SNX29: variants seen among roughly 807,000 people sequenced by gnomAD.
SNX29 encodes the protein sorting nexin 29.
A neutral mutation model predicts 102.1 loss-of-function variants in SNX29; 78 were observed. The observed-to-expected ratio is 0.76, with a 90% confidence interval of 0.64 to 0.92. The LOEUF (loss-of-function observed/expected upper bound fraction) is 0.92, where lower values mean the gene tolerates loss of function less well. Among genes scored for constraint, SNX29 ranks in the 40% least tolerant of loss-of-function variants. SNX29 has a pLI of 0.00. For missense variants in SNX29, 1,280 were observed against 1,061.7 expected, an observed-to-expected ratio of 1.21 and a Z score of -2.86; for synonymous variants, 580 against 414.5, an observed-to-expected ratio of 1.40 and a Z score of -4.85.
In SNX29 at chr16:12,476,377, A is replaced by T. The variant is rs1337831176; in HGVS notation, c.2038-1342A>T. Among the ~76,000 whole-genome samples the T allele has an allele frequency of 4.4e-3, 102 of 23,256 alleles. 1 individual carries two copies. The highest frequency in any genetic ancestry group is 0.013 in the Admixed American group (14 of 1,104). The allele number at this position is 23,256 out of a possible 152,430, so 15.3% of individuals were successfully genotyped here. A position where few individuals can be genotyped will look rare whatever the true frequency, so the allele number is the denominator to read the frequency against. On this transcript the variant is annotated intron_variant, in intron 18 of 20. Coordinates refer to ENST00000566228, the MANE Select transcript of SNX29 (RefSeq NM_032167.5). ...AAAAAAAAAAAAAAAAAAAAAAAAA[A>T]AAAAAAATATATATATATATATATA...
At position 12,526,517 on chromosome 16, in the gene SNX29, A is replaced by G. The variant is rs145008928; in HGVS notation, c.2318+1676A>G. 908 of 509,760 alleles carry G rather than the reference A, an allele frequency of 1.8e-3. 6 individuals are homozygous for G. Among genetic ancestry groups the G allele is most frequent in the African/African-American group, 0.016 (828 of 52,266 alleles). The allele number at this position is 509,760 out of a possible 1,614,324, so 31.6% of individuals were successfully genotyped here. A position where few individuals can be genotyped will look rare whatever the true frequency, so the allele number is the denominator to read the frequency against. On this transcript the variant is annotated intron_variant, in intron 20 of 20. Transcript: ENST00000566228. ...TAGAAAACAGTTTCTAGAACGCTTTATTTTTCTTTTCTTCTTTTATTTGTA... is the reference window on the plus strand; with the variant it reads ...TAGAAAACAGTTTCTAGAACGCTTTGTTTTTCTTTTCTTCTTTTATTTGTA...
intron 15 of SNX29, among the ~76,000 whole-genome samples, chr16:12,285,613 A>G (rs944455267): frequency 5.3e-5 from 8 of 152,212 alleles, no homozygotes; most frequent in African/African-American, 1.9e-4. Context: ...ATAAAGTGTA[A>G]AAATTCCGGA....
At chr16:12,547,063 T>G (rs12598530) in intron 20 of SNX29, among the ~76,000 whole-genome samples, 8 of 152,108 alleles carry the variant, frequency 5.3e-5, no homozygotes, top group Non-Finnish European at 1.0e-4. Context: ...AGACATTGAA[T>G]AGTGAGGCAG....
intron 11 of SNX29, among the ~76,000 whole-genome samples, chr16:12,107,161 A>C (rs2053288505): frequency 6.6e-6 from 1 of 152,086 alleles, no homozygotes; most frequent in African/African-American, 2.4e-5. Context: ...GAATTAGTTA[A>C]ACGGCCACAG....
intron 19 of SNX29, among the ~76,000 whole-genome samples, chr16:12,503,518 G>A (rs1246196790): frequency 1.3e-5 from 2 of 152,190 alleles, no homozygotes; most frequent in African/African-American, 4.8e-5. Context: ...TGCCCAGGGA[G>A]TATCAACATT....
chr16:12,441,907 G>A (rs1157608318), intron 18 of SNX29, among the ~76,000 whole-genome samples: 1 of 152,080 alleles, frequency 6.6e-6, no homozygotes, highest in African/African-American at 2.4e-5. Context: ...TCCTGTCTCA[G>A]CCTCCCAAGT....
intron 13 of SNX29, among the ~76,000 whole-genome samples, chr16:12,166,518 G>T (rs1009935029): frequency 6.6e-6 from 1 of 152,238 alleles, no homozygotes; most frequent in African/African-American, 2.4e-5. Context: ...GCCGAGTCTT[G>T]TAGTGTGCAG....
intron 15 of SNX29, among the ~76,000 whole-genome samples, chr16:12,349,442 A>G (rs1315684958): frequency 6.6e-6 from 1 of 152,254 alleles, no homozygotes; most frequent in African/African-American, 2.4e-5. Context: ...CTGTAAGACA[A>G]TGTACAGGTT....
intron 12 of SNX29, 133 bp downstream of exon 12, chr16:12,126,829 G>A (rs965368936): frequency 5.7e-6 from 5 of 872,820 alleles, no homozygotes; most frequent in African/African-American, 1.7e-5. Flanking sequence ...TTATCGTCAG[G>A]GATATGCCAC....
Position 12,482,284 on chromosome 16 carries a change from TTTTTCC to T in SNX29, c.2178+4444_2178+4449del, listed in dbSNP as rs543478166. On this transcript the variant is annotated intron_variant, in intron 19 of 20. Transcript: ENST00000566228. ...TTCTCCTTTTCCTTTTTCTTTTTCC[TTTTTCC>T]TTTTCCTTTTCCTTTTCCCTTCCTT... Among the ~76,000 whole-genome samples the T allele has an allele frequency of 1.2e-3, 184 of 150,872 alleles. 1 individual carries two copies. Among genetic ancestry groups the T allele is most frequent in the Middle Eastern group, 0.01 (3 of 294 alleles).
chr16:12,570,810 C>A lies in SNX29; in HGVS notation c.*2181C>A, dbSNP rs772195798. The A allele has an allele frequency of 8.6e-6, 2 of 232,336 alleles. No individual in the cohort carries two copies. The highest frequency in any genetic ancestry group is 4.4e-5 in the African/African-American group (2 of 45,252). The allele number at this position is 232,336 out of a possible 1,614,324, so 14.4% of individuals were successfully genotyped here. A position where few individuals can be genotyped will look rare whatever the true frequency, so the allele number is the denominator to read the frequency against. ...GTCCCCCATTGCTGAGAGATACTAA[C>A]CCGTGAGAAACAAGTATGCTCTCAG... On this transcript the variant is annotated 3_prime_UTR_variant, in exon 21 of 21. Transcript: ENST00000566228.
chr16:12,433,638 A>T (rs2085405624), intron 18 of SNX29, among the ~76,000 whole-genome samples: 1 of 122,612 alleles, frequency 8.2e-6, no homozygotes, highest in Admixed American at 8.3e-5. Context: ...CTCAAAAAAA[A>T]AAAAAAAAAA....
intron 15 of SNX29, among the ~76,000 whole-genome samples, chr16:12,284,149 C>T (rs546849223): frequency 2.6e-5 from 4 of 152,216 alleles, no homozygotes; most frequent in African/African-American, 9.6e-5. Context: ...GAAGTGTTGG[C>T]GACATTCGGA....
intron 13 of SNX29, among the ~76,000 whole-genome samples, chr16:12,148,707 A>G (rs1183044037): frequency 1.3e-5 from 2 of 151,454 alleles, no homozygotes; most frequent in East Asian, 1.9e-4. Context: ...ATTTTATTTT[A>G]TTTTTCTGAG....
At chr16:12,279,412 A>T (rs1055789327) in intron 15 of SNX29, among the ~76,000 whole-genome samples, 3 of 152,240 alleles carry the variant, frequency 2.0e-5, no homozygotes, top group African/African-American at 7.2e-5. Flanking sequence ...AGGGAAGGCA[A>T]GCTGAGGCCT....
rs144118897 is a variant in SNX29, at chr16:12,534,306, C to T, written c.2318+9465C>T. Among the ~76,000 whole-genome samples the T allele has an allele frequency of 5.3e-5, 8 of 152,346 alleles. No individual in the cohort carries two copies. The East Asian group carries it at 1.3e-3, about 26-fold the overall frequency. ...CTTTCTCCGTGTGGGAGACGTGCTC[C>T]TAATGAGGGCCTCTGTGCCCAGCCA... is the stretch of plus-strand genomic sequence containing the variant. On this transcript the variant is annotated intron_variant, in intron 20 of 20. Coordinates refer to ENST00000566228, the MANE Select transcript of SNX29 (RefSeq NM_032167.5).
chr16:12,350,387 T>C (rs1021456884), intron 15 of SNX29, among the ~76,000 whole-genome samples: 9 of 152,224 alleles, frequency 5.9e-5, no homozygotes, highest in Non-Finnish European at 1.0e-4. Context: ...ATTTAGAGTA[T>C]ACAGGAGGAG....
chr16:12,182,047 T>C (rs1350949425), intron 13 of SNX29, among the ~76,000 whole-genome samples: 2 of 151,974 alleles, frequency 1.3e-5, no homozygotes, highest in African/African-American at 4.8e-5. Flanking sequence ...CCACGCCTGG[T>C]TAATTTTTTT....
At chr16:12,313,068 G>C (rs2080614038) in intron 15 of SNX29, among the ~76,000 whole-genome samples, 1 of 151,710 alleles carries the variant, frequency 6.6e-6, no homozygotes. Context: ...AGGGTGGAGT[G>C]AGTGGGGCGA....
Sources: gnomAD v4.1 joint callset for allele counts (sites outside exome capture counted in the v4.1 genomes callset) on GRCh38, gnomAD v4.1.1 for gene constraint, MANE v1.5 for transcripts, NCBI Gene and HGNC (gene_info 2026-07-23, HGNC 2026-07-21) for gene names.